The following C12orf42 variants were observed in gnomAD, a reference collection of about 807,000 sequenced individuals.
C12orf42 encodes uncharacterized protein C12orf42.
A neutral mutation model predicts 21.6 loss-of-function variants in C12orf42; 25 were observed. The ratio of observed to expected loss-of-function variants is 1.16; its 90% confidence interval spans 0.84 to 1.62. The LOEUF is 1.62. Ranked by LOEUF, C12orf42 falls within the 40% of genes most tolerant of loss-of-function variation. The pLI, the probability that C12orf42 is intolerant of heterozygous loss-of-function variation, is 0.00. For synonymous variants in C12orf42, 174 were observed against 175.0 expected (o/e 0.99, Z 0.05); for missense variants, 483 against 459.3 (o/e 1.05, Z -0.47).
chr12:103,544,482 G>A, the C12orf42 span, among the ~76,000 whole-genome samples: 2 of 152,234 alleles, frequency 1.3e-5, no homozygotes, highest in Admixed American at 6.5e-5. Flanking sequence ...TTTCCAGGTG[G>A]TGTATTTCTT....
At chr12:103,255,481 A>C in intron 10 of C12orf42, among the ~76,000 whole-genome samples, 1 of 152,304 alleles carries the variant, frequency 6.6e-6, no homozygotes, top group African/African-American at 2.4e-5. Flanking sequence ...TTCTCCTTGA[A>C]ATTATCCATT....
the C12orf42 span, chr12:103,547,940 G>A: frequency 2.6e-5 from 4 of 152,152 alleles, no homozygotes; most frequent in African/African-American, 2.4e-5. Flanking sequence ...TAGGCTTCTC[G>A]TGGCCTATTT....
At chr12:103,218,682 C>G in the C12orf42 span, among the ~76,000 whole-genome samples, 2 of 151,976 alleles carry the variant, frequency 1.3e-5, no homozygotes, top group African/African-American at 4.8e-5. Flanking sequence ...GATTTTGGCT[C>G]AAAAGGAGAA....
chr12:103,214,076 C>A, the C12orf42 span, among the ~76,000 whole-genome samples: 1 of 152,184 alleles, frequency 6.6e-6, no homozygotes, highest in Non-Finnish European at 1.5e-5. Flanking sequence ...CTTTTCTAAG[C>A]ACTTTGTATG....
the C12orf42 span, among the ~76,000 whole-genome samples, chr12:103,084,184 T>C: frequency 2.0e-5 from 3 of 152,222 alleles, no homozygotes; most frequent in Non-Finnish European, 4.4e-5. Context: ...TTCTGCTAAT[T>C]GCTCCTATCT....
At chr12:103,093,613 G>A in the C12orf42 span, among the ~76,000 whole-genome samples, 2 of 152,268 alleles carry the variant, frequency 1.3e-5, no homozygotes, top group South Asian at 2.1e-4. Flanking sequence ...TCCAGGACAA[G>A]GATACCAGGA....
the C12orf42 span, among the ~76,000 whole-genome samples, chr12:103,099,505 G>A: frequency 1.3e-4 from 20 of 152,202 alleles, no homozygotes; most frequent in East Asian, 9.6e-4. Context: ...GGGGCTTGGA[G>A]GGTGAGCTAA....
the C12orf42 span, among the ~76,000 whole-genome samples, chr12:103,502,689 T>C: frequency 2.0e-5 from 3 of 152,172 alleles, no homozygotes; most frequent in African/African-American, 7.2e-5. Flanking sequence ...CTCCATCGCA[T>C]CCCTTGATTA....
chr12:103,478,616 G>A (rs1489094183), intron 1 of C12orf42, among the ~76,000 whole-genome samples, 169 bp from the exon 2 acceptor site: 13 of 148,816 alleles, frequency 8.7e-5, no homozygotes, highest in Non-Finnish European at 1.9e-4. Context: ...GGGAGACAGG[G>A]TCACATTATG....
the C12orf42 span, among the ~76,000 whole-genome samples, chr12:103,510,591 C>T: frequency 6.6e-6 from 1 of 152,164 alleles, no homozygotes. Flanking sequence ...GACTTTTAGA[C>T]ATTCTGAAAC....
At chr12:103,119,119 TA>T in the C12orf42 span, among the ~76,000 whole-genome samples, 2 of 152,154 alleles carry the variant, frequency 1.3e-5, no homozygotes, top group Non-Finnish European at 2.9e-5. Flanking sequence ...GGGAGCAGTA[TA>T]GTTAAATGGT....
At chr12:103,195,312 T>G in the C12orf42 span, among the ~76,000 whole-genome samples, 1 of 152,176 alleles carries the variant, frequency 6.6e-6, no homozygotes, top group African/African-American at 2.4e-5. Flanking sequence ...ATATACCCAG[T>G]AATGGAATTG....
chr12:103,153,657 C>A, the C12orf42 span, among the ~76,000 whole-genome samples: 1 of 152,012 alleles, frequency 6.6e-6, no homozygotes, highest in Non-Finnish European at 1.5e-5. Context: ...AAAAGACAGA[C>A]CAGTATCTAA....
rs145606278 is a variant in C12orf42, at chr12:103,287,696, A to G, written n.338-10486T>C. Reference sequence around the variant, plus strand: ...GTTGTGCACATGTACCCTAAAACTTAAAGTATAATAATAAAAAAAAAAAAC... The same window carrying G: ...GTTGTGCACATGTACCCTAAAACTTGAAGTATAATAATAAAAAAAAAAAAC... On this transcript the variant is annotated intron_variant and non_coding_transcript_variant, in intron 4 of 6. Transcript: ENST00000546526. Among the ~76,000 whole-genome samples, 879 of 151,546 alleles carry G rather than the reference A, an allele frequency of 5.8e-3. 11 individuals are homozygous for G. The highest frequency in any genetic ancestry group is 0.02 in the African/African-American group (838 of 41,176).
At chr12:103,252,997 G>A (rs1331303545) in intron 10 of C12orf42, among the ~76,000 whole-genome samples, 5 of 152,078 alleles carry the variant, frequency 3.3e-5, no homozygotes, top group Non-Finnish European at 7.4e-5. Context: ...GTGTAAGGAA[G>A]GGGTCCAGTT....
intron 2 of C12orf42, among the ~76,000 whole-genome samples, chr12:103,423,145 AG>A (rs2050064646): frequency 6.6e-6 from 1 of 152,214 alleles, no homozygotes; most frequent in Non-Finnish European, 1.5e-5. Flanking sequence ...TGTCCCTGGA[AG>A]CATTGATGCC....
the C12orf42 span, among the ~76,000 whole-genome samples, chr12:103,165,608 A>T: frequency 7.2e-5 from 11 of 152,198 alleles, no homozygotes; most frequent in South Asian, 4.1e-4. Context: ...AAATGCAATT[A>T]AAAAAATCAC....
At chr12:103,164,247 A>G in the C12orf42 span, among the ~76,000 whole-genome samples, 1 of 152,342 alleles carries the variant, frequency 6.6e-6, no homozygotes, top group African/African-American at 2.4e-5. Flanking sequence ...TCGTATCTCC[A>G]TATATCCTAT....
chr12:103,216,614 G>A, the C12orf42 span, among the ~76,000 whole-genome samples: 2 of 151,782 alleles, frequency 1.3e-5, no homozygotes, highest in Non-Finnish European at 2.9e-5. Flanking sequence ...TCCTGACCTC[G>A]TGATCCACCC....
Sources: allele counts gnomAD v4.1 joint callset (sites outside exome capture counted in the v4.1 genomes callset), GRCh38; gene constraint gnomAD v4.1.1; transcripts MANE v1.5; gene names NCBI Gene and HGNC (gene_info 2026-07-23, HGNC 2026-07-21).